Variants in PDE3B observed in about 807,000 individuals in gnomAD.
PDE3B encodes cGMP-inhibited 3',5'-cyclic phosphodiesterase 3B.
PDE3B carries 66 observed loss-of-function variants against 116.8 expected under a neutral mutation model. The ratio of observed to expected loss-of-function variants is 0.56; its 90% CI spans 0.46 to 0.69. The LOEUF (loss-of-function observed/expected upper bound fraction) is 0.69. Ranked by LOEUF, PDE3B falls within the 30% of genes least tolerant of loss-of-function variation. The probability of loss-of-function intolerance (pLI) is 0.00; values close to 1 mark genes in which losing one functional copy is unlikely to be tolerated. For missense variants in PDE3B, 1,384 were observed against 1,368.1 expected (o/e 1.01, Z -0.18); for synonymous variants, 595 against 533.6 (o/e 1.12, Z -1.59).
chr11:14,889,458 A>G, the PDE3B span, among the ~76,000 whole-genome samples: 484 of 152,350 alleles, frequency 3.2e-3, 12 homozygotes, highest in Admixed American at 0.028. Flanking sequence ...GTGGTTATCA[A>G]CTAGATCTAA....
chr11:14,844,148 A>C, intron 12 of PDE3B, 122 bp downstream of exon 12: 2 of 669,022 alleles, frequency 3.0e-6, no homozygotes, highest in Non-Finnish European at 5.2e-6. Context: ...AATACCCTAC[A>C]TTTTAATTAA....
chr11:14,672,308 A>G (rs1178826690), intron 1 of PDE3B, among the ~76,000 whole-genome samples: 1 of 151,926 alleles, frequency 6.6e-6, no homozygotes, highest in Non-Finnish European at 1.5e-5. Flanking sequence ...GCTATTACAA[A>G]TGGCACAGTT....
At chr11:14,738,043 A>G (rs899720653) in intron 1 of PDE3B, among the ~76,000 whole-genome samples, 1 of 152,064 alleles carries the variant, frequency 6.6e-6, no homozygotes, top group Non-Finnish European at 1.5e-5. Context: ...GTTGGTTCCA[A>G]GTCTTTGCTA....
intron 14 of PDE3B, among the ~76,000 whole-genome samples, chr11:14,863,049 T>A (rs1310987574): frequency 2.0e-5 from 3 of 151,766 alleles, no homozygotes; most frequent in Non-Finnish European, 4.4e-5. Flanking sequence ...CCCTACCCCC[T>A]AACAGGCCCC....
At chr11:14,700,011 G>A (rs1340543862) in intron 1 of PDE3B, among the ~76,000 whole-genome samples, 2 of 151,704 alleles carry the variant, frequency 1.3e-5, no homozygotes, top group African/African-American at 4.8e-5. Flanking sequence ...GGCTCCGACA[G>A]TAGAGATTTG....
At chr11:14,864,387 A>G (rs1327279527) in intron 14 of PDE3B, among the ~76,000 whole-genome samples, 1 of 152,164 alleles carries the variant, frequency 6.6e-6, no homozygotes, top group Non-Finnish European at 1.5e-5. Context: ...TCAATATTAG[A>G]CAGATCAAGA....
intron 1 of PDE3B, among the ~76,000 whole-genome samples, chr11:14,660,652 T>A (rs953711646): frequency 5.5e-4 from 84 of 152,274 alleles, no homozygotes; most frequent in African/African-American, 2.0e-3. Flanking sequence ...TTCTTTCTAA[T>A]ATTTCTTATA....
At chr11:14,692,857 A>C (rs1321285344) in intron 1 of PDE3B, among the ~76,000 whole-genome samples, 1 of 152,120 alleles carries the variant, frequency 6.6e-6, no homozygotes, top group Non-Finnish European at 1.5e-5. Flanking sequence ...TTCTTACCTT[A>C]AATAGAAAGC....
At chr11:14,831,147 A>C (rs2133962533) in intron 8 of PDE3B, among the ~76,000 whole-genome samples, 1 of 151,832 alleles carries the variant, frequency 6.6e-6, no homozygotes, top group South Asian at 2.1e-4. Context: ...GAAGGTATAG[A>C]GAATATGTGC....
intron 1 of PDE3B, chr11:14,674,680 G>A (rs1854477785): frequency 4.7e-6 from 1 of 214,134 alleles, no homozygotes; most frequent in African/African-American, 2.4e-5. Flanking sequence ...GAATATGAGG[G>A]TAACAACTAA....
rs527800657 is a variant in PDE3B, at chr11:14,813,266, G to A, written c.1523-4917G>A. Among the ~76,000 whole-genome samples the A allele has an allele frequency of 3.9e-5, 6 of 152,092 alleles. No homozygotes were observed. In the East Asian group the frequency reaches 1.2e-3, roughly 29 times the overall value. On this transcript the variant is annotated intron_variant, in intron 5 of 15. Transcript: ENST00000282096. ...TCAGAAGTTTAAAATTGATCTCATT[G>A]GGCCCAAAGCAAGGTGTCAGCAGGG...
chr11:14,716,031 G>A (rs1855873943), intron 1 of PDE3B, among the ~76,000 whole-genome samples: 1 of 152,172 alleles, frequency 6.6e-6, no homozygotes, highest in Non-Finnish European at 1.5e-5. Context: ...ACTAGGGAGT[G>A]CCAGACAGTG....
At chr11:14,672,174 A>C (rs910110592) in intron 1 of PDE3B, among the ~76,000 whole-genome samples, 5 of 151,536 alleles carry the variant, frequency 3.3e-5, no homozygotes, top group African/African-American at 4.8e-5. Flanking sequence ...AAGCACAAGG[A>C]CAATGTCTTA....
chr11:14,663,964 T>G (rs1236788227), intron 1 of PDE3B, among the ~76,000 whole-genome samples: 1 of 152,092 alleles, frequency 6.6e-6, no homozygotes, highest in Non-Finnish European at 1.5e-5. Flanking sequence ...AGAATATACA[T>G]TTTTTTCAGC....
the PDE3B span, among the ~76,000 whole-genome samples, chr11:14,897,663 G>A: frequency 1.3e-5 from 2 of 152,168 alleles, no homozygotes; most frequent in East Asian, 1.9e-4. Context: ...TTTCTCTGGG[G>A]TTTTAGAGAC....
At position 14,644,767 on chromosome 11, in the gene PDE3B, G is replaced by C. The variant is rs753727181; in HGVS notation, c.692G>C (p.Trp231Ser). ...LVLLLASFVWWVSFTSLGSLP... is the reference protein window; with the variant it reads ...LVLLLASFVWSVSFTSLGSLP... Reference sequence around the variant, plus strand: ...CTGCTCCTGGCCAGCTTCGTCTGGTGGGTCTCCTTCACCAGCCTCGGGTCG... The same window carrying C: ...CTGCTCCTGGCCAGCTTCGTCTGGTCGGTCTCCTTCACCAGCCTCGGGTCG... The change falls in exon 1 of 16, where the codon TGG becomes TCG. Residue 231 changes from tryptophan to serine, a missense_variant. By Grantham distance (177) the Trp-to-Ser change is radical. Coordinates refer to ENST00000282096, the MANE Select transcript of PDE3B (RefSeq NM_000922.4). 6 of 1,603,826 alleles carry C rather than the reference G, an allele frequency of 3.7e-6. No homozygotes were observed. The highest frequency in any genetic ancestry group is 5.1e-6 in the Non-Finnish European group (6 of 1,175,946).
the PDE3B span, among the ~76,000 whole-genome samples, chr11:14,898,459 A>G: frequency 2.0e-5 from 3 of 152,110 alleles, no homozygotes; most frequent in African/African-American, 4.8e-5. Flanking sequence ...CCTCTTAGCT[A>G]TACTTCTGGA....
At chr11:14,708,634 A>G (rs1855602509) in intron 1 of PDE3B, among the ~76,000 whole-genome samples, 2 of 152,034 alleles carry the variant, frequency 1.3e-5, no homozygotes, top group South Asian at 2.1e-4. Context: ...GTATTTAGTG[A>G]TGTTGATTTT....
At chr11:14,714,539 CAAAAAAA>C (rs759855381) in intron 1 of PDE3B, among the ~76,000 whole-genome samples, 3 of 76,142 alleles carry the variant, frequency 3.9e-5, no homozygotes, top group African/African-American at 1.7e-4. Flanking sequence ...AACCCTGTCT[CAAAAAAA>C]AAAAAAAAAA....
Sources: gnomAD v4.1 joint callset for allele counts (sites outside exome capture counted in the v4.1 genomes callset) on GRCh38, gnomAD v4.1.1 for gene constraint, MANE v1.5 for transcripts, NCBI Gene and HGNC (gene_info 2026-07-23, HGNC 2026-07-21) for gene names.